The following DOCK4 variants were observed in gnomAD, a reference collection of about 807,000 sequenced individuals.
The protein encoded by DOCK4 is dedicator of cytokinesis protein 4.
DOCK4 carries 97 observed loss-of-function variants against 268.1 expected under a neutral mutation model. That is an observed-to-expected ratio of 0.36 (90% CI 0.31 to 0.43). The LOEUF (loss-of-function observed/expected upper bound fraction) is 0.43, where lower values mean the gene tolerates loss of function less well. Among genes scored for constraint, DOCK4 ranks in the 20% least tolerant of loss-of-function variants. DOCK4 has a pLI of 1.00. For synonymous variants in DOCK4, 954 were observed against 887.2 expected, an observed-to-expected ratio of 1.08 and a Z score of -1.34; for missense variants, 2,145 against 2,455.7, an observed-to-expected ratio of 0.87 and a Z score of 2.67.
At chr7:111,960,939 CT>C (rs1234589326) in intron 8 of DOCK4, among the ~76,000 whole-genome samples, 7 of 152,174 alleles carry the variant, frequency 4.6e-5, no homozygotes, top group African/African-American at 1.7e-4. Flanking sequence ...TTGATGGACA[CT>C]TATGTTGACT....
chr7:112,028,970 T>C (rs1803041292), intron 1 of DOCK4, among the ~76,000 whole-genome samples: 1 of 152,206 alleles, frequency 6.6e-6, no homozygotes, highest in African/African-American at 2.4e-5. Flanking sequence ...ACCTCAAATA[T>C]AAATCAGATA....
chr7:111,730,177 C>T (rs527366384), intron 52 of DOCK4, among the ~76,000 whole-genome samples: 4 of 152,274 alleles, frequency 2.6e-5, no homozygotes, highest in East Asian at 3.9e-4. Context: ...CCAAGGAAAA[C>T]GAGTCCTAAG....
intron 16 of DOCK4, among the ~76,000 whole-genome samples, chr7:111,889,268 TC>T (rs1808096857): frequency 6.6e-6 from 1 of 152,150 alleles, no homozygotes; most frequent in East Asian, 1.9e-4. Flanking sequence ...AGTCAAGTGA[TC>T]AATTCTTCTA....
intron 52 of DOCK4, among the ~76,000 whole-genome samples, chr7:111,731,688 C>T (rs1323413872): frequency 6.6e-6 from 1 of 152,180 alleles, no homozygotes; most frequent in Non-Finnish European, 1.5e-5. Context: ...ATCCATATTA[C>T]TGCCTTGTTT....
At chr7:112,199,187 G>A (rs942625581) in intron 1 of DOCK4, among the ~76,000 whole-genome samples, 2 of 152,140 alleles carry the variant, frequency 1.3e-5, no homozygotes, top group Non-Finnish European at 2.9e-5. Flanking sequence ...CTTAATCCCT[G>A]TATGACTCAA....
intron 28 of DOCK4, among the ~76,000 whole-genome samples, chr7:111,810,988 C>A (rs540013076): frequency 6.6e-6 from 1 of 152,038 alleles, no homozygotes; most frequent in Admixed American, 6.6e-5. Context: ...GGCAACAGAG[C>A]AGGACTCTGT....
intron 13 of DOCK4, among the ~76,000 whole-genome samples, chr7:111,913,883 A>G (rs547405276): frequency 6.6e-6 from 1 of 152,170 alleles, no homozygotes; most frequent in Non-Finnish European, 1.5e-5. Flanking sequence ...CCCCATCTCT[A>G]AAAAAGAAAA....
At chr7:111,905,720 T>C (rs1222324765) in intron 13 of DOCK4, among the ~76,000 whole-genome samples, 4 of 148,074 alleles carry the variant, frequency 2.7e-5, no homozygotes, top group African/African-American at 7.5e-5. Flanking sequence ...TGCACGTGTA[T>C]TGCGTATACA....
At chr7:112,096,918 G>A (rs1810195812) in intron 1 of DOCK4, among the ~76,000 whole-genome samples, 1 of 152,174 alleles carries the variant, frequency 6.6e-6, no homozygotes, top group South Asian at 2.1e-4. Flanking sequence ...CTGCATAAAA[G>A]GGGCCGAGCA....
intron 1 of DOCK4, among the ~76,000 whole-genome samples, chr7:112,189,808 C>T (rs1272987298): frequency 7.1e-6 from 1 of 140,176 alleles, no homozygotes; most frequent in African/African-American, 2.6e-5. Flanking sequence ...TCTCAAACTC[C>T]TGGGCGCAAG....
At position 112,077,090 on chromosome 7, in the gene DOCK4, G is replaced by A. The variant is rs1316698807; in HGVS notation, c.38-72959C>T. Among the ~76,000 whole-genome samples, 5 of 152,046 alleles carry A rather than the reference G, an allele frequency of 3.3e-5. No individual in the cohort carries two copies. The South Asian group carries it at 6.2e-4, about 19-fold the overall frequency. ...TGAGACAGGGAAAGAGTAACTGAACGACAACTGATACTCAGCAAATAAGGT... is the reference window on the plus strand; with the variant it reads ...TGAGACAGGGAAAGAGTAACTGAACAACAACTGATACTCAGCAAATAAGGT... On this transcript the variant is annotated intron_variant, in intron 1 of 52. Transcript: ENST00000428084.
At chr7:112,006,659 T>C (rs1800890483) in intron 1 of DOCK4, among the ~76,000 whole-genome samples, 1 of 152,222 alleles carries the variant, frequency 6.6e-6, no homozygotes, top group Non-Finnish European at 1.5e-5. Flanking sequence ...GAAATTCCCC[T>C]GCCAGTCGCA....
At chr7:112,154,716 GAC>G (rs1244685434) in intron 1 of DOCK4, among the ~76,000 whole-genome samples, 1 of 152,184 alleles carries the variant, frequency 6.6e-6, no homozygotes, top group Non-Finnish European at 1.5e-5. Context: ...ACAAAGGGAA[GAC>G]ACTTCATGCA....
chr7:112,128,797 T>G (rs1025300372), intron 1 of DOCK4, among the ~76,000 whole-genome samples: 1 of 151,936 alleles, frequency 6.6e-6, no homozygotes, highest in African/African-American at 2.4e-5. Flanking sequence ...CAGGGTCCTC[T>G]GCCTGGGAAA....
intron 26 of DOCK4, among the ~76,000 whole-genome samples, chr7:111,828,993 G>T (rs1000103358): frequency 2.6e-5 from 4 of 151,500 alleles, no homozygotes; most frequent in Non-Finnish European, 5.9e-5. Flanking sequence ...GATACGTTGG[G>T]GGTTAGGAGG....
intron 25 of DOCK4, among the ~76,000 whole-genome samples, chr7:111,842,986 G>C (rs1405703675): frequency 6.6e-6 from 1 of 152,172 alleles, no homozygotes; most frequent in Non-Finnish European, 1.5e-5. Context: ...TTATAATATA[G>C]AAATGTCTTG....
chr7:112,024,327 T>C (rs1802589295), intron 1 of DOCK4, among the ~76,000 whole-genome samples: 1 of 152,190 alleles, frequency 6.6e-6, no homozygotes, highest in Non-Finnish European at 1.5e-5. Flanking sequence ...CAGATTAGTA[T>C]ACTTAGTATA....
intron 1 of DOCK4, among the ~76,000 whole-genome samples, chr7:112,124,736 A>T (rs1164731578): frequency 6.6e-6 from 1 of 152,234 alleles, no homozygotes; most frequent in African/African-American, 2.4e-5. Context: ...CCTGGCCCAT[A>T]GTGTTTTAAG....
chr7:111,984,292 T>C lies in DOCK4; in HGVS notation c.549+14A>G, dbSNP rs1413502652. The C allele has an allele frequency of 6.2e-7, 1 of 1,603,750 alleles. No individual in the cohort carries two copies. Among genetic ancestry groups the C allele is most frequent in the East Asian group, 2.2e-5 (1 of 44,714 alleles). On this transcript the variant is annotated intron_variant, in intron 7 of 52. Coordinates refer to ENST00000428084, the MANE Select transcript of DOCK4 (RefSeq NM_001363540.2). ...TTAGCAGGAAGACTGGAAGCCAAGA[T>C]TTCCTGTACCTACCAATCGGTAGAG...
Sources: gnomAD v4.1 joint callset for allele counts (sites outside exome capture counted in the v4.1 genomes callset) on GRCh38, gnomAD v4.1.1 for gene constraint, MANE v1.5 for transcripts, NCBI Gene and HGNC (gene_info 2026-07-23, HGNC 2026-07-21) for gene names.